Variants in RFX4 observed in about 807,000 individuals in gnomAD.
RFX4 encodes regulatory factor X4.
A neutral mutation model predicts 95.0 loss-of-function variants in RFX4; 10 were observed. The ratio of observed to expected loss-of-function variants is 0.11; its 90% CI spans 0.06 to 0.18. RFX4 has a LOEUF of 0.18. Among genes scored for constraint, RFX4 ranks in the 10% least tolerant of loss-of-function variants. RFX4 has a pLI of 1.00. For missense variants in RFX4, 640 were observed against 922.0 expected (o/e 0.69, Z 3.96); for synonymous variants, 321 against 340.7 (o/e 0.94, Z 0.64).
chr12:106,583,421 G>C, intron 1 of RFX4, 58 bp downstream of exon 1: 6 of 1,465,488 alleles, frequency 4.1e-6, no homozygotes, highest in Non-Finnish European at 5.5e-6. Context: ...AAGGGAGAGG[G>C]GGAACTTTAG....
intron 4 of RFX4, among the ~76,000 whole-genome samples, chr12:106,659,334 G>A (rs1391651944): frequency 6.6e-6 from 1 of 151,858 alleles, no homozygotes; most frequent in Non-Finnish European, 1.5e-5. Flanking sequence ...GTCCCTTTAG[G>A]TGTGTTAGAC....
chr12:106,638,480 T>C (rs956134154), intron 2 of RFX4, among the ~76,000 whole-genome samples: 1 of 146,714 alleles, frequency 6.8e-6, no homozygotes, highest in African/African-American at 2.7e-5. Context: ...ATTGCTAACC[T>C]GATTCTTCTG....
At chr12:106,669,729 C>G (rs145853646) in intron 4 of RFX4, among the ~76,000 whole-genome samples, 4 of 151,944 alleles carry the variant, frequency 2.6e-5, no homozygotes, top group Non-Finnish European at 4.4e-5. Flanking sequence ...CGTACATAGA[C>G]AGACTTTCCT....
intron 17 of RFX4, among the ~76,000 whole-genome samples, chr12:106,755,846 G>A (rs1392178572): frequency 6.6e-6 from 1 of 152,176 alleles, no homozygotes; most frequent in Admixed American, 6.6e-5. Flanking sequence ...TTGGAGAAAT[G>A]CAATTGGTCA....
In RFX4 at chr12:106,761,367, T is replaced by C. The variant is rs2043205448; in HGVS notation, c.2106T>C (p.Tyr702=). 1 of 1,613,998 alleles carries C rather than the reference T, an allele frequency of 6.2e-7. No individual in the cohort carries two copies. The highest frequency in any genetic ancestry group is 1.7e-5 in the Admixed American group (1 of 59,988). The change falls in exon 18 of 18, where the codon TAT becomes TAC. Residue 702 remains tyrosine (Y), a synonymous_variant. Coordinates refer to ENST00000392842, the MANE Select transcript of RFX4 (RefSeq NM_213594.3). The part of the protein sequence containing the change: ...SARYGNSSDM[Y]TPLTTRRNSE... ...GGTACGGAAACTCTAGTGACATGTA[T>C]ACACCTCTGACAACGCGCAGGAATT...
intron 2 of RFX4, among the ~76,000 whole-genome samples, chr12:106,613,366 ATTTT>A (rs543428046): frequency 7.1e-6 from 1 of 141,526 alleles, no homozygotes. Context: ...TTTTGCATCA[ATTTT>A]TTTTTTTTTT....
intron 13 of RFX4, among the ~76,000 whole-genome samples, chr12:106,730,679 A>C (rs2042592022): frequency 6.6e-6 from 1 of 151,964 alleles, no homozygotes; most frequent in South Asian, 2.1e-4. Flanking sequence ...ACAGAATGAC[A>C]AAAAAAATAA....
intron 5 of RFX4, chr12:106,682,373 C>T: frequency 2.6e-6 from 1 of 390,616 alleles, no homozygotes; most frequent in Non-Finnish European, 4.7e-6. Context: ...GGAGGATCAC[C>T]AGGTTATCTG....
intron 8 of RFX4, among the ~76,000 whole-genome samples, chr12:106,700,532 G>C (rs1044875084): frequency 1.3e-4 from 19 of 146,954 alleles, no homozygotes; most frequent in African/African-American, 4.8e-4. Flanking sequence ...TCAGCCTCCC[G>C]AGTAGCTGGG....
rs749220806 is a variant in RFX4 at position 106,732,911 on chromosome 12, T to C, written c.1472-13T>C. ...CATTTGGTTTTAAAAACTTACCCTATCTCTATCCACAGCAGAAGTCCGAGA... is the reference window on the plus strand; with the variant it reads ...CATTTGGTTTTAAAAACTTACCCTACCTCTATCCACAGCAGAAGTCCGAGA... On this transcript the variant is annotated splice_polypyrimidine_tract_variant and intron_variant, in intron 14 of 17. Coordinates refer to ENST00000392842, the MANE Select transcript of RFX4 (RefSeq NM_213594.3). 6 of 1,611,768 alleles carry C rather than the reference T, an allele frequency of 3.7e-6. No individual in the cohort carries two copies. The highest frequency in any genetic ancestry group is 5.1e-6 in the Non-Finnish European group (6 of 1,178,222).
At chr12:106,743,106 T>A (rs1432266960) in intron 15 of RFX4, among the ~76,000 whole-genome samples, 1 of 152,122 alleles carries the variant, frequency 6.6e-6, no homozygotes, top group Non-Finnish European at 1.5e-5. Context: ...CCTCTTGGGA[T>A]CTTTATAGGA....
At chr12:106,690,126 G>A (rs2041749087) in intron 7 of RFX4, among the ~76,000 whole-genome samples, 1 of 152,084 alleles carries the variant, frequency 6.6e-6, no homozygotes, top group South Asian at 2.1e-4. Context: ...ACGATGTCAG[G>A]TACAAAATGC....
At position 106,696,400 on chromosome 12, in the gene RFX4, A is replaced by G. The variant is rs1395107685; in HGVS notation, c.787A>G (p.Ile263Val). The change falls in exon 8 of 18, where the codon ATC becomes GTC. Residue 263 changes from isoleucine (I) to valine (V), a missense_variant. Physicochemically the swap from Ile to Val is conservative, Grantham distance 29. This residue lies in a region of RFX4 where 96 missense variants were observed against 183.7 expected (regional missense o/e 0.52). Transcript: ENST00000392842. The part of the protein sequence containing the change: ...GVCDSILYKA[I>V]SGVLMPTVLQ... The stretch of plus-strand genomic sequence containing the variant: ...GTGTGACTCCATCCTCTACAAAGCT[A>G]TCTCCGGGGTGCTGATGCCCACTGT... 1.2e-6 allele frequency: 2 copies of G among 1,613,902 alleles called. No homozygotes were observed. The highest frequency in any genetic ancestry group is 2.2e-5 in the East Asian group (1 of 44,884).
chr12:106,711,359 T>C (rs1473945121), intron 9 of RFX4, 94 bp from the exon 10 acceptor site: 1 of 1,150,860 alleles, frequency 8.7e-7, no homozygotes, highest in Non-Finnish European at 1.3e-6. Flanking sequence ...GTAGGCAAAA[T>C]AAGCAGGCTA....
chr12:106,601,396 CA>C (rs2039707028), intron 1 of RFX4: 3 of 1,531,588 alleles, frequency 2.0e-6, no homozygotes, highest in Non-Finnish European at 2.7e-6. Flanking sequence ...CTGGCACCCT[CA>C]GGGGGAACTG....
At chr12:106,709,496 A>G (rs959157660) in intron 9 of RFX4, 66 bp downstream of exon 9, 2 of 1,217,032 alleles carry the variant, frequency 1.6e-6, no homozygotes, top group African/African-American at 3.1e-5. Flanking sequence ...ATTTTACATA[A>G]GTTGTTAATA....
chr12:106,719,004 C>T (rs1031047472), intron 11 of RFX4, among the ~76,000 whole-genome samples: 1 of 151,692 alleles, frequency 6.6e-6, no homozygotes, highest in Non-Finnish European at 1.5e-5. Context: ...CACCTGTAGT[C>T]CCAGCTACTC....
chr12:106,662,187 A>G (rs1184534983), intron 4 of RFX4: 1 of 415,294 alleles, frequency 2.4e-6, no homozygotes, highest in Admixed American at 2.6e-5. Context: ...ACAGCAATAA[A>G]TGAGAGTTCC....
intron 3 of RFX4, among the ~76,000 whole-genome samples, chr12:106,648,462 TG>T (rs1287685786): frequency 6.6e-6 from 1 of 150,994 alleles, no homozygotes; most frequent in Non-Finnish European, 1.5e-5. Context: ...TGTAGACTAC[TG>T]TCTTGTCCTG....
Sources: gnomAD v4.1 joint callset for allele counts (sites outside exome capture counted in the v4.1 genomes callset) on GRCh38, gnomAD v4.1.1 for gene constraint, gnomAD v4.1.1 regional missense constraint, MANE v1.5 for transcripts, NCBI Gene and HGNC (gene_info 2026-07-23, HGNC 2026-07-21) for gene names.